The following CSMD1 variants were observed in gnomAD, a reference collection of about 807,000 sequenced individuals.
The protein encoded by CSMD1 is CUB and sushi domain-containing protein 1.
In CSMD1, 213 loss-of-function variants were observed where a neutral mutation model predicts 417.5. The ratio of observed to expected loss-of-function variants is 0.51; its 90% CI spans 0.46 to 0.57. The LOEUF (loss-of-function observed/expected upper bound fraction) is 0.57. CSMD1 is among the 20% of genes least tolerant of loss of function. The pLI is 0.00. For synonymous variants in CSMD1, 2,862 were observed against 1,736.8 expected (o/e 1.65, Z -16.11); for missense variants, 6,923 against 4,529.7 (o/e 1.53, Z -15.17).
At chr8:4,649,694 A>G (rs534120504) in intron 1 of CSMD1, among the ~76,000 whole-genome samples, 1 of 152,244 alleles carries the variant, frequency 6.6e-6, no homozygotes, top group East Asian at 1.9e-4. Context: ...ATTGGAAAAA[A>G]AATTAAACGT....
chr8:4,024,054 C>A (rs1207204314), intron 4 of CSMD1, among the ~76,000 whole-genome samples: 1 of 151,926 alleles, frequency 6.6e-6, no homozygotes, highest in East Asian at 1.9e-4. Flanking sequence ...GAGGCCAAAA[C>A]AGGAGAGAAA....
intron 4 of CSMD1, among the ~76,000 whole-genome samples, chr8:4,005,190 A>C (rs774863347): frequency 1.3e-5 from 2 of 152,186 alleles, no homozygotes; most frequent in Non-Finnish European, 2.9e-5. Context: ...GATGCAGTGC[A>C]TACTGCACAG....
chr8:3,920,691 G>T (rs925153631), intron 5 of CSMD1, among the ~76,000 whole-genome samples: 1 of 151,992 alleles, frequency 6.6e-6, no homozygotes, highest in African/African-American at 2.4e-5. Flanking sequence ...AGGAAAATAG[G>T]TTAAATTTTG....
chr8:3,084,834 A>G (rs1489307198), intron 49 of CSMD1, among the ~76,000 whole-genome samples: 1 of 151,998 alleles, frequency 6.6e-6, no homozygotes, highest in African/African-American at 2.4e-5. Context: ...TTAAAATGAT[A>G]AAAATGCTGA....
rs370043387 is a variant in CSMD1, at chr8:3,899,211, G to A, written c.818+98692C>T. Among the ~76,000 whole-genome samples, 238 of 152,278 alleles carry A rather than the reference G, an allele frequency of 1.6e-3. 2 individuals carry two copies. Among genetic ancestry groups the A allele is most frequent in the Middle Eastern group, 6.8e-3 (2 of 294 alleles). ...AGGAGGCCAATCAACAATGAACACAGGACGGACAAGAGCACAGGAAAGTTG... is the reference window on the plus strand; with the variant it reads ...AGGAGGCCAATCAACAATGAACACAAGACGGACAAGAGCACAGGAAAGTTG... On this transcript the variant is annotated intron_variant, in intron 5 of 69. Coordinates refer to ENST00000635120, the MANE Select transcript of CSMD1 (RefSeq NM_033225.6).
intron 5 of CSMD1, among the ~76,000 whole-genome samples, chr8:3,833,257 A>G (rs1316448915): frequency 3.3e-5 from 5 of 152,078 alleles, no homozygotes; most frequent in Non-Finnish European, 1.5e-5. Flanking sequence ...TGTTGATAAT[A>G]TCTGCATTTT....
At chr8:3,889,674 T>G (rs187847067) in intron 5 of CSMD1, among the ~76,000 whole-genome samples, 1 of 151,662 alleles carries the variant, frequency 6.6e-6, no homozygotes, top group African/African-American at 2.4e-5. Context: ...ACTGTCTATC[T>G]GCAAAATGAA....
chr8:3,282,488 A>G (rs1182498460), intron 26 of CSMD1, among the ~76,000 whole-genome samples: 3 of 152,212 alleles, frequency 2.0e-5, no homozygotes, highest in Admixed American at 2.0e-4. Context: ...CCAATGAATC[A>G]CAATTCTACC....
chr8:4,693,424 C>T lies in CSMD1; in HGVS notation c.86-55866G>A, dbSNP rs375272594. On this transcript the variant is annotated intron_variant, in intron 1 of 69. Transcript: ENST00000635120. ...TGGAGGTGTGTTCTGGCTGTGTCAG[C>T]CTCAATATTCCAAACTTGTTTAGCT... Among the ~76,000 whole-genome samples, 22 of 152,316 alleles carry T rather than the reference C, an allele frequency of 1.4e-4. No homozygotes were observed. In the East Asian group the frequency reaches 2.7e-3, roughly 19 times the overall value.
At chr8:4,245,192 C>G (rs1047832255) in intron 3 of CSMD1, among the ~76,000 whole-genome samples, 1 of 152,180 alleles carries the variant, frequency 6.6e-6, no homozygotes, top group Non-Finnish European at 1.5e-5. Context: ...GGCATGCTGT[C>G]AAACAAGTAA....
At position 3,615,932 on chromosome 8, in the gene CSMD1, T is replaced by C. The variant is rs59023120; in HGVS notation, c.1097+778A>G. Among the ~76,000 whole-genome samples, 1,014 of 152,294 alleles carry C rather than the reference T, an allele frequency of 6.7e-3. 13 individuals are homozygous for C. The highest frequency in any genetic ancestry group is 0.023 in the African/African-American group (950 of 41,560). On this transcript the variant is annotated intron_variant, in intron 8 of 69. Coordinates refer to ENST00000635120, the MANE Select transcript of CSMD1 (RefSeq NM_033225.6). ...GCAAAAATCTAAAGTAATAGGACTA[T>C]TATAATCACTACTGTATTCATAATG... is the stretch of plus-strand genomic sequence containing the variant.
chr8:3,655,413 G>A (rs2469392), intron 7 of CSMD1, among the ~76,000 whole-genome samples: 68,808 of 152,112 alleles, frequency 0.45, 16,581 homozygotes, highest in Middle Eastern at 0.55. Context: ...ACTCTTTTAA[G>A]ATAACATTTA....
At chr8:4,660,514 G>A (rs961716944) in intron 1 of CSMD1, among the ~76,000 whole-genome samples, 1 of 151,982 alleles carries the variant, frequency 6.6e-6, no homozygotes, top group African/African-American at 2.4e-5. Flanking sequence ...CAGATATAGA[G>A]AAGATTATTC....
intron 10 of CSMD1, among the ~76,000 whole-genome samples, chr8:3,550,403 C>T (rs975356087): frequency 6.6e-6 from 1 of 152,204 alleles, no homozygotes; most frequent in Non-Finnish European, 1.5e-5. Context: ...TTCACAACCT[C>T]CAAGGCATGG....
At chr8:4,379,049 A>T (rs1802931050) in intron 3 of CSMD1, among the ~76,000 whole-genome samples, 2 of 152,210 alleles carry the variant, frequency 1.3e-5, no homozygotes, top group Admixed American at 1.3e-4. Context: ...TGCAGAGGAA[A>T]AAAAAGGAAT....
At chr8:4,195,184 A>T (rs1459496940) in intron 3 of CSMD1, among the ~76,000 whole-genome samples, 3 of 152,190 alleles carry the variant, frequency 2.0e-5, no homozygotes, top group African/African-American at 7.2e-5. Flanking sequence ...CTGACTTGTC[A>T]ATGGAAAATA....
At chr8:4,735,815 T>C (rs1169129466) in intron 1 of CSMD1, among the ~76,000 whole-genome samples, 1 of 152,166 alleles carries the variant, frequency 6.6e-6, no homozygotes. Flanking sequence ...GCCTAGATCT[T>C]CAATGGTGGT....
intron 1 of CSMD1, among the ~76,000 whole-genome samples, chr8:4,765,934 C>A (rs1321334336): frequency 1.3e-5 from 2 of 152,086 alleles, no homozygotes; most frequent in African/African-American, 4.8e-5. Context: ...AAGAATCGAG[C>A]TTAGCTAATT....
At chr8:4,315,907 G>A (rs903870668) in intron 3 of CSMD1, among the ~76,000 whole-genome samples, 1 of 152,048 alleles carries the variant, frequency 6.6e-6, no homozygotes, top group Non-Finnish European at 1.5e-5. Flanking sequence ...AGCTAAAGAT[G>A]CACTCAAATG....
Sources: allele counts gnomAD v4.1 joint callset (sites outside exome capture counted in the v4.1 genomes callset), GRCh38; gene constraint gnomAD v4.1.1; transcripts MANE v1.5; gene names NCBI Gene and HGNC (gene_info 2026-07-23, HGNC 2026-07-21).